Variants in RRM2 observed in about 807,000 individuals in gnomAD.
RRM2 encodes the protein ribonucleoside-diphosphate reductase subunit M2.
RRM2 carries 6 observed loss-of-function variants against 45.9 expected under a neutral mutation model. The ratio of observed to expected loss-of-function variants is 0.13; its 90% CI spans 0.07 to 0.26. The LOEUF is 0.26. Among genes scored for constraint, RRM2 ranks in the 10% least tolerant of loss-of-function variants. RRM2 has a pLI of 1.00. For missense variants in RRM2, 343 were observed against 489.5 expected (o/e 0.70, Z 2.82); for synonymous variants, 177 against 173.0 (o/e 1.02, Z -0.18).
chr2:10,194,939 G>A (rs931032959), intron 3 of RRM2, among the ~76,000 whole-genome samples: 3 of 152,178 alleles, frequency 2.0e-5, no homozygotes, highest in Admixed American at 6.5e-5. Context: ...TAGACCTCTC[G>A]GCGTCTCCGT....
At chr2:10,137,654 C>G (rs558805779), upstream of RRM2, among the ~76,000 whole-genome samples, 1 of 152,222 alleles carries the variant, frequency 6.6e-6, no homozygotes, top group Admixed American at 6.5e-5. Context: ...CCAAATGGAG[C>G]CTCACGCTTA....
chr2:10,198,212 A>G (rs1664455078), intron 3 of RRM2, among the ~76,000 whole-genome samples: 1 of 152,156 alleles, frequency 6.6e-6, no homozygotes, highest in Admixed American at 6.5e-5. Flanking sequence ...TCATCAGAGA[A>G]TGTTGTGGTC....
chr2:10,136,133 G>A (rs1044917450), downstream of RRM2, among the ~76,000 whole-genome samples: 6 of 152,302 alleles, frequency 3.9e-5, no homozygotes, highest in South Asian at 8.3e-4. Flanking sequence ...ACCAAAGTGC[G>A]GGGCTGGGGC....
chr2:10,206,966 C>T (rs1664676153), intron 3 of RRM2, among the ~76,000 whole-genome samples: 2 of 152,202 alleles, frequency 1.3e-5, no homozygotes, highest in South Asian at 4.1e-4. Context: ...AAGAGACTCT[C>T]ACTAAAGGGC....
chr2:10,206,245 CAA>C (rs200752840), intron 3 of RRM2, among the ~76,000 whole-genome samples: 1,737 of 102,968 alleles, frequency 0.017, 38 homozygotes, highest in African/African-American at 0.068. Flanking sequence ...GACTCCGTCT[CAA>C]AAAAAAAAAA....
At chr2:10,173,779 G>A (rs1663853786) in intron 3 of RRM2, among the ~76,000 whole-genome samples, 1 of 152,248 alleles carries the variant, frequency 6.6e-6, no homozygotes, top group Non-Finnish European at 1.5e-5. Context: ...GAGAACGAGG[G>A]CCTGCGTCTT....
In RRM2 at chr2:10,195,682, G is replaced by T. The variant is rs1473958827; in HGVS notation, n.483-14629G>T. Among the ~76,000 whole-genome samples, 6 of 152,196 alleles carry T rather than the reference G, an allele frequency of 3.9e-5. No homozygotes were observed. Among genetic ancestry groups the T allele is most frequent in the Non-Finnish European group, 7.4e-5 (5 of 68,024 alleles). On this transcript the variant is annotated intron_variant and non_coding_transcript_variant, in intron 3 of 3. Coordinates refer to the RRM2 transcript ENST00000381786. This position sits in a 1 kb window ranked among gnomAD's most constrained non-coding sequence, Gnocchi z 4.9. ...CAGACCTGTGAGTTGGTCCCCGACA[G>T]CCTCCTGCCTTTCTCCCTGACTGCC...
At chr2:10,132,850 G>C (rs1291681183), downstream of RRM2, among the ~76,000 whole-genome samples, 1 of 152,082 alleles carries the variant, frequency 6.6e-6, no homozygotes, top group Admixed American at 6.5e-5. Context: ...GTGGCCTGCA[G>C]TCTGTTCTGC....
At chr2:10,206,017 C>A (rs529889980) in intron 3 of RRM2, among the ~76,000 whole-genome samples, 1 of 152,042 alleles carries the variant, frequency 6.6e-6, no homozygotes. Context: ...GAGGCCGAAG[C>A]GGGAGGATCA....
rs570588989 is a variant in RRM2 at position 10,152,912 on chromosome 2, G to A, written n.482+10537G>A. Among the ~76,000 whole-genome samples, 44 of 152,310 alleles carry A rather than the reference G, an allele frequency of 2.9e-4. No homozygotes were observed. In the South Asian group the frequency reaches 9.1e-3, roughly 32 times the overall value. On this transcript the variant is annotated intron_variant and non_coding_transcript_variant, in intron 3 of 3. Transcript: ENST00000381786. ...GAGGTTTCTAAATAAATAAAAAATAGAACTACCATATGACTGACCAAAGGA... is the reference window on the plus strand; with the variant it reads ...GAGGTTTCTAAATAAATAAAAAATAAAACTACCATATGACTGACCAAAGGA...
intron 1 of RRM2, chr2:10,141,691 TC>T: frequency 9.7e-7 from 1 of 1,033,452 alleles, no homozygotes; most frequent in Non-Finnish European, 1.4e-6. Context: ...GCAAGAGACC[TC>T]GACCTGTTCT....
chr2:10,190,746 A>G (rs1317242161), intron 3 of RRM2, among the ~76,000 whole-genome samples: 2 of 140,706 alleles, frequency 1.4e-5, no homozygotes, highest in African/African-American at 2.6e-5. Context: ...GATGGTGGTG[A>G]TGTTGGCGAT....
intron 3 of RRM2, among the ~76,000 whole-genome samples, chr2:10,166,810 A>C (rs1393709107): frequency 6.6e-6 from 1 of 152,154 alleles, no homozygotes; most frequent in African/African-American, 2.4e-5. Flanking sequence ...CCTGTGTCCT[A>C]AGCACTCCAC....
chr2:10,161,903 G>C (rs1663567053), intron 3 of RRM2, among the ~76,000 whole-genome samples: 1 of 152,200 alleles, frequency 6.6e-6, no homozygotes, highest in African/African-American at 2.4e-5. Context: ...CCAGTGAGGC[G>C]CTCAAATTAA....
chr2:10,159,392 C>T (rs1663506747), intron 3 of RRM2, among the ~76,000 whole-genome samples: 1 of 152,224 alleles, frequency 6.6e-6, no homozygotes, highest in Non-Finnish European at 1.5e-5. Flanking sequence ...TGTCTTTTGG[C>T]TGCCAGCCTT....
chr2:10,191,750 C>T (rs1362979322), intron 3 of RRM2, among the ~76,000 whole-genome samples: 5 of 152,056 alleles, frequency 3.3e-5, no homozygotes, highest in African/African-American at 1.2e-4. Flanking sequence ...CGGGCAGCCA[C>T]GGCCATGCGC....
At chr2:10,157,016 C>T (rs376067142) in intron 3 of RRM2, among the ~76,000 whole-genome samples, 151 of 85,892 alleles carry the variant, frequency 1.8e-3, no homozygotes, top group Admixed American at 2.9e-3. Flanking sequence ...CAGCCCATTT[C>T]TTTTTTTTTT....
intron 3 of RRM2, among the ~76,000 whole-genome samples, chr2:10,199,803 A>AC (rs1558406253): frequency 2.0e-5 from 3 of 150,414 alleles, no homozygotes; most frequent in South Asian, 2.1e-4. Flanking sequence ...AAAAAAAAAA[A>AC]AAAAAACAAA....
intron 3 of RRM2, among the ~76,000 whole-genome samples, chr2:10,209,771 C>T (rs963647649): frequency 4.6e-5 from 7 of 152,322 alleles, no homozygotes; most frequent in African/African-American, 1.2e-4. Context: ...TAGCCAGAGA[C>T]GGATACAATC....
Sources: gnomAD v4.1 joint callset for allele counts (sites outside exome capture counted in the v4.1 genomes callset) on GRCh38, gnomAD v4.1.1 for gene constraint, Gnocchi (gnomAD v3.1) non-coding constraint, MANE v1.5 for transcripts, NCBI Gene and HGNC (gene_info 2026-07-23, HGNC 2026-07-21) for gene names.